ZBTB44: variants seen among roughly 807,000 people sequenced by gnomAD.
The protein encoded by ZBTB44 is zinc finger and BTB domain containing 44, also known as zinc finger and BTB domain-containing protein 44.
ZBTB44 carries 15 observed loss-of-function variants against 54.0 expected under a neutral mutation model. The ratio of observed to expected loss-of-function variants is 0.28; its 90% CI spans 0.19 to 0.43. The LOEUF is 0.43. Among genes scored for constraint, ZBTB44 ranks in the 20% least tolerant of loss-of-function variants. The probability of loss-of-function intolerance (pLI) is 1.00; values close to 1 mark genes in which losing one functional copy is unlikely to be tolerated. For synonymous variants in ZBTB44, 230 were observed against 250.1 expected, an observed-to-expected ratio of 0.92 and a Z score of 0.76; for missense variants, 487 against 707.1, an observed-to-expected ratio of 0.69 and a Z score of 3.53.
intron 2 of ZBTB44, among the ~76,000 whole-genome samples, chr11:130,248,805 T>C (rs531657667): frequency 6.6e-6 from 1 of 151,926 alleles, no homozygotes; most frequent in Non-Finnish European, 1.5e-5. Flanking sequence ...TATTAACTTG[T>C]TAATAACATC....
chr11:130,278,695 C>T (rs112131904), intron 1 of ZBTB44, among the ~76,000 whole-genome samples: 1,978 of 152,290 alleles, frequency 0.013, 48 homozygotes, highest in African/African-American at 0.045. Context: ...AACCCATCTT[C>T]TGCCAGTGAA....
chr11:130,269,699 C>A (rs1204899381), intron 1 of ZBTB44, among the ~76,000 whole-genome samples: 1 of 152,108 alleles, frequency 6.6e-6, no homozygotes, highest in African/African-American at 2.4e-5. Context: ...TTAAGTTAGA[C>A]AAATCTTAGG....
intron 1 of ZBTB44, among the ~76,000 whole-genome samples, chr11:130,279,660 A>C (rs1408152255): frequency 6.6e-6 from 1 of 151,672 alleles, no homozygotes; most frequent in Non-Finnish European, 1.5e-5. Context: ...CTCTGTCTCA[A>C]AACCAACCAA....
rs1430009414 is a variant in ZBTB44, at chr11:130,302,567, G to GT, written c.-57+11807dup. On this transcript the variant is annotated intron_variant, in intron 1 of 7. Transcript: ENST00000357899. ...GCAGTGGGAAGGTCCAAAGCAGAAA[G>GT]TAAGAAGAGCAAAGAGCCAAAGAAA... Among the ~76,000 whole-genome samples the GT allele has an allele frequency of 3.3e-5, 5 of 152,250 alleles. No individual in the cohort carries two copies. The East Asian group carries it at 9.7e-4, about 29-fold the overall frequency.
At chr11:130,302,072 T>G (rs1942019145) in intron 1 of ZBTB44, among the ~76,000 whole-genome samples, 1 of 150,882 alleles carries the variant, frequency 6.6e-6, no homozygotes, top group African/African-American at 2.4e-5. Flanking sequence ...AAAAAAGTAA[T>G]AATAATCATT....
intron 1 of ZBTB44, among the ~76,000 whole-genome samples, chr11:130,297,818 C>T (rs1162788233): frequency 2.0e-5 from 3 of 152,128 alleles, no homozygotes; most frequent in South Asian, 2.1e-4. Flanking sequence ...TAGTTTGTTA[C>T]GGCACCCTAG....
At chr11:130,244,197 T>A (rs1954525646) in intron 2 of ZBTB44, among the ~76,000 whole-genome samples, 1 of 152,178 alleles carries the variant, frequency 6.6e-6, no homozygotes, top group Non-Finnish European at 1.5e-5. Flanking sequence ...TTTAAAAACT[T>A]AAAATTTGTT....
chr11:130,276,597 G>A (rs1204393480), intron 1 of ZBTB44, among the ~76,000 whole-genome samples: 2 of 151,818 alleles, frequency 1.3e-5, no homozygotes, highest in Non-Finnish European at 2.9e-5. Context: ...ACCATGCCTG[G>A]CTAATTTTTG....
intron 1 of ZBTB44, among the ~76,000 whole-genome samples, chr11:130,307,270 A>G (rs1159261257): frequency 6.6e-6 from 1 of 151,748 alleles, no homozygotes; most frequent in African/African-American, 2.4e-5. Flanking sequence ...TAAAAATACA[A>G]AAAAATTAGC....
At position 130,239,845 on chromosome 11, in the gene ZBTB44, G is replaced by A. The variant is rs1270465566; in HGVS notation, c.1070C>T (p.Ser357Phe). Residue 357 changes from serine to phenylalanine, a missense_variant, in exon 3 of 8, where the codon TCT becomes TTT. Ser to Phe is a radical substitution (Grantham distance 155). Transcript: ENST00000357899. The part of the protein sequence containing the change: ...SEGLPTLQST[S>F]STNAPPDDDD... ...ATCATCCGGAGGAGCATTAGTGCTAGACGTGCTTTGAAGTGTAGGCAAGCC... is the reference window on the plus strand; with the variant it reads ...ATCATCCGGAGGAGCATTAGTGCTAAACGTGCTTTGAAGTGTAGGCAAGCC... The A allele has an allele frequency of 6.2e-7, 1 of 1,612,506 alleles. No homozygotes were observed. The highest frequency in any genetic ancestry group is 8.5e-7 in the Non-Finnish European group (1 of 1,179,102).
chr11:130,283,569 A>G (rs988535230), intron 1 of ZBTB44, among the ~76,000 whole-genome samples: 1 of 152,186 alleles, frequency 6.6e-6, no homozygotes, highest in Admixed American at 6.5e-5. Context: ...ATATCAAAAG[A>G]TTTTCATTTT....
intron 1 of ZBTB44, among the ~76,000 whole-genome samples, chr11:130,289,606 A>T (rs1474268825): frequency 6.6e-6 from 1 of 151,968 alleles, no homozygotes; most frequent in African/African-American, 2.4e-5. Flanking sequence ...TAAAAAAAAA[A>T]AGGTGGGGGT....
rs144220851 is a variant in ZBTB44 at position 130,269,740 on chromosome 11, C to T, written c.-56-7811G>A. The stretch of plus-strand genomic sequence containing the variant: ...AATTTTCACTTCCCCATTTACCAGC[C>T]AGGCATTAAATCTGAGTCAAGTTGT... On this transcript the variant is annotated intron_variant, in intron 1 of 7. Transcript: ENST00000357899. 2.8e-4 allele frequency among the ~76,000 whole-genome samples: 43 copies of T among 152,254 alleles called. No homozygotes were observed. The East Asian group carries it at 6.4e-3, about 23-fold the overall frequency.
chr11:130,232,982 AAC>A (rs1259166233), intron 7 of ZBTB44: 7 of 210,872 alleles, frequency 3.3e-5, no homozygotes, highest in African/African-American at 1.6e-4. Context: ...CAGCCTGGGC[AAC>A]AGAGTGAGAT....
At chr11:130,313,909 T>G (rs1307661710) in intron 1 of ZBTB44, among the ~76,000 whole-genome samples, 2 of 131,510 alleles carry the variant, frequency 1.5e-5, no homozygotes, top group Non-Finnish European at 3.2e-5. Context: ...GGAAAAGAGG[T>G]GTGTGTGTGT....
chr11:130,309,009 G>A (rs1473466821), intron 1 of ZBTB44, among the ~76,000 whole-genome samples: 1 of 152,156 alleles, frequency 6.6e-6, no homozygotes, highest in East Asian at 1.9e-4. Context: ...TAACTCACAA[G>A]CTTTCTGCAC....
At chr11:130,271,923 A>C (rs1693959967) in intron 1 of ZBTB44, among the ~76,000 whole-genome samples, 1 of 152,126 alleles carries the variant, frequency 6.6e-6, no homozygotes, top group South Asian at 2.1e-4. Flanking sequence ...CCACACCTTT[A>C]TATTCCCATC....
chr11:130,259,551 C>G (rs1310865948), intron 2 of ZBTB44, among the ~76,000 whole-genome samples: 1 of 152,200 alleles, frequency 6.6e-6, no homozygotes, highest in South Asian at 2.1e-4. Flanking sequence ...TTGGAACCAA[C>G]CCAAATCCCT....
intron 1 of ZBTB44, among the ~76,000 whole-genome samples, chr11:130,263,975 T>C (rs1939065582): frequency 6.6e-6 from 1 of 152,140 alleles, no homozygotes; most frequent in African/African-American, 2.4e-5. Context: ...ATGCCTACTA[T>C]CTCCCAACAG....
Sources: gnomAD v4.1 joint callset for allele counts (sites outside exome capture counted in the v4.1 genomes callset) on GRCh38, gnomAD v4.1.1 for gene constraint, MANE v1.5 for transcripts, NCBI Gene and HGNC (gene_info 2026-07-23, HGNC 2026-07-21) for gene names.